The following MPP1 variants were observed in gnomAD, a reference collection of about 807,000 sequenced individuals.
The protein encoded by MPP1 is 55 kDa erythrocyte membrane protein.
A neutral mutation model predicts 38.2 loss-of-function variants in MPP1; 6 were observed. The observed-to-expected ratio is 0.16, with a 90% CI of 0.09 to 0.31. The LOEUF (loss-of-function observed/expected upper bound fraction) is 0.31, where lower values mean the gene tolerates loss of function less well. Ranked by LOEUF, MPP1 falls within the 10% of genes least tolerant of loss-of-function variation. The pLI is 1.00. For missense variants in MPP1, 293 were observed against 368.9 expected (o/e 0.79, Z 1.69); for synonymous variants, 153 against 146.3 (o/e 1.05, Z -0.33).
intron 10 of MPP1, 72 bp downstream of exon 10, chrX:154,781,528 C>A (rs1183173794): frequency 2.6e-5 from 29 of 1,099,404 alleles, no homozygotes; most frequent in Non-Finnish European, 3.2e-5. Flanking sequence ...CAGAAGATTC[C>A]CAAGGAGCAC....
chrX:154,804,230 T>G (rs1469110360), intron 1 of MPP1, among the ~76,000 whole-genome samples: 1 of 111,871 alleles, frequency 8.9e-6, no homozygotes, highest in Non-Finnish European at 1.9e-5. Context: ...GACCTTCAGT[T>G]TTTTCATCTG....
chrX:154,783,263 G>T (rs782264984), intron 9 of MPP1, 164 bp downstream of exon 9: 2 of 262,772 alleles, frequency 7.6e-6, no homozygotes, highest in African/African-American at 2.8e-5. Flanking sequence ...CTGTTAGGTG[G>T]AGGAATTGTG....
intron 8 of MPP1, 73 bp from the exon 9 acceptor site, chrX:154,783,580 T>C: frequency 1.1e-6 from 1 of 919,763 alleles, no homozygotes. Flanking sequence ...TTTTCCTCTC[T>C]CGGCACTCAA....
chrX:154,795,700 G>C (rs1603430229), intron 1 of MPP1, among the ~76,000 whole-genome samples: 1 of 111,713 alleles, frequency 9.0e-6, no homozygotes, highest in South Asian at 3.7e-4. Flanking sequence ...GGGAGGTCAA[G>C]GCTGCAGTGA....
chrX:154,802,884 A>T lies in MPP1; in HGVS notation c.102+2388T>A, dbSNP rs1306931221. ...TTTAAATGAAACTTTCAGCAAAATA[A>T]TTTTATAATTTCTATTGAAGCCAAC... On this transcript the variant is annotated intron_variant, in intron 1 of 11. Coordinates refer to ENST00000369534, the MANE Select transcript of MPP1 (RefSeq NM_002436.4). Among the ~76,000 whole-genome samples, 4 of 112,157 alleles carry T rather than the reference A, an allele frequency of 3.6e-5. No individual in the cohort carries two copies. In the Admixed American group the frequency reaches 3.8e-4, roughly 11 times the overall value.
chrX:154,783,723 G>C (rs1557266898), intron 8 of MPP1: 1 of 431,265 alleles, frequency 2.3e-6, no homozygotes, highest in African/African-American at 2.5e-5. Flanking sequence ...TCTGTTTCAG[G>C]TCAGAGTCAC....
chrX:154,790,954 G>A (rs199735935), intron 4 of MPP1, 29 bp downstream of exon 4: 161 of 1,162,269 alleles, frequency 1.4e-4, no homozygotes, highest in Non-Finnish European at 1.8e-4. Context: ...GACAATGGAA[G>A]GTCTTCATCT....
intron 5 of MPP1, among the ~76,000 whole-genome samples, chrX:154,787,096 TC>T (rs2072085386): frequency 1.6e-5 from 1 of 62,897 alleles, no homozygotes; most frequent in Non-Finnish European, 3.1e-5. Flanking sequence ...CCTCTCCTGC[TC>T]CCAAACACAC....
chrX:154,799,843 G>A (rs1391321509), intron 1 of MPP1: 4 of 1,163,547 alleles, frequency 3.4e-6, no homozygotes, highest in Non-Finnish European at 4.6e-6. Flanking sequence ...CCCCTTCAGA[G>A]GAAACATCTG....
chrX:154,791,186 T>A (rs2072138553), intron 3 of MPP1, 118 bp from the exon 4 acceptor site: 1 of 608,249 alleles, frequency 1.6e-6, no homozygotes, highest in African/African-American at 2.2e-5. Flanking sequence ...TGAAACAGAT[T>A]GTGTCAAATA....
intron 1 of MPP1, chrX:154,799,804 T>C: frequency 8.6e-7 from 1 of 1,166,184 alleles, no homozygotes; most frequent in Non-Finnish European, 1.1e-6. Flanking sequence ...GACAAAGTGC[T>C]GGAGTGGCAA....
At chrX:154,786,471 T>C (rs1557267207) in intron 5 of MPP1, 71 bp from the exon 6 acceptor site, 1 of 963,070 alleles carries the variant, frequency 1.0e-6, no homozygotes, top group Non-Finnish European at 1.5e-6. Flanking sequence ...CATGTCCTGC[T>C]GTAGACAAAT....
chrX:154,781,296 C>G lies in MPP1; in HGVS notation c.1167G>C (p.Arg389=), dbSNP rs2071991912. 1 of 1,200,511 alleles carries G rather than the reference C, an allele frequency of 8.3e-7. No individual in the cohort carries two copies. Among genetic ancestry groups the G allele is most frequent in the African/African-American group, 1.8e-5 (1 of 54,909 alleles). Residue 389 remains arginine (R), a synonymous_variant, in exon 11 of 12, where the codon CGG becomes CGC. Transcript: ENST00000369534. ...DIEPQTLKIV[R]TAELSPFIVF... ...CAATGAAAGGCGAAAGTTCTGCTGT[C>G]CGAACAATTTTCAGGGTCTAGAAAA...
At chrX:154,798,312 C>G (rs1158107075) in intron 1 of MPP1, among the ~76,000 whole-genome samples, 1 of 112,223 alleles carries the variant, frequency 8.9e-6, no homozygotes, top group East Asian at 2.8e-4. Flanking sequence ...CACTCAAAAG[C>G]CTGTACATGA....
chrX:154,787,724 G>A (rs1232722679), intron 5 of MPP1, among the ~76,000 whole-genome samples: 3 of 111,464 alleles, frequency 2.7e-5, no homozygotes, highest in Non-Finnish European at 5.7e-5. Context: ...CACCCGCCTC[G>A]GCCTCCCAAA....
At chrX:154,788,996 T>A (rs2072110418) in intron 5 of MPP1, among the ~76,000 whole-genome samples, 1 of 111,872 alleles carries the variant, frequency 8.9e-6, no homozygotes, top group Non-Finnish European at 1.9e-5. Context: ...TCATCCCTGC[T>A]GTTAGAAGTC....
chrX:154,780,689 TACAC>T (rs2148522304), intron 11 of MPP1, among the ~76,000 whole-genome samples: 1 of 111,358 alleles, frequency 9.0e-6, no homozygotes, highest in African/African-American at 3.4e-5. Context: ...ACTGCAGTAT[TACAC>T]ATGCATGCAG....
intron 1 of MPP1, among the ~76,000 whole-genome samples, chrX:154,795,799 T>C (rs2072189593): frequency 1.8e-5 from 2 of 111,575 alleles, no homozygotes. Flanking sequence ...ATAAACTATG[T>C]CTGGAAGGAG....
intron 6 of MPP1, 56 bp from the exon 7 acceptor site, chrX:154,785,213 C>CT: frequency 2.2e-6 from 2 of 910,563 alleles, no homozygotes; most frequent in Non-Finnish European, 3.0e-6. Context: ...CTCATACCCC[C>CT]CCCAGCCACT....
Sources: gnomAD v4.1 joint callset for allele counts (sites outside exome capture counted in the v4.1 genomes callset) on GRCh38, gnomAD v4.1.1 for gene constraint, MANE v1.5 for transcripts, NCBI Gene and HGNC (gene_info 2026-07-23, HGNC 2026-07-21) for gene names.